Variants in ANKRD45 observed in about 807,000 individuals in gnomAD.
ANKRD45 encodes ankyrin repeat domain-containing protein 45.
Under a neutral mutation model 28.1 loss-of-function variants are expected in ANKRD45, and 21 were observed. The ratio of observed to expected loss-of-function variants is 0.75; its 90% CI spans 0.53 to 1.08. The LOEUF is 1.08. Among genes scored for constraint, ANKRD45 ranks in the 50% least tolerant of loss-of-function variants. The probability of loss-of-function intolerance (pLI) is 0.00; values close to 1 mark genes in which losing one functional copy is unlikely to be tolerated. For missense variants in ANKRD45, 261 were observed against 308.7 expected, an observed-to-expected ratio of 0.85 and a Z score of 1.16; for synonymous variants, 86 against 103.9, an observed-to-expected ratio of 0.83 and a Z score of 1.05.
chr1:173,624,671 C>A, intron 5 of ANKRD45, 116 bp downstream of exon 5: 1 of 1,072,536 alleles, frequency 9.3e-7, no homozygotes, highest in South Asian at 1.8e-5. Flanking sequence ...GTGCTTGTAA[C>A]AATGTTAATA....
intron 5 of ANKRD45, among the ~76,000 whole-genome samples, chr1:173,612,327 G>A (rs867716649): frequency 7.4e-6 from 1 of 134,430 alleles, no homozygotes; most frequent in African/African-American, 3.4e-5. Context: ...AAAGAAGGAA[G>A]GAAGGAAGGA....
In ANKRD45 at chr1:173,646,982, C is replaced by T. The variant is rs766156865; in HGVS notation, c.360G>A (p.Trp120Ter). The T allele has an allele frequency of 6.2e-7, 1 of 1,614,030 alleles. No individual in the cohort carries two copies. The highest frequency in any genetic ancestry group is 1.1e-5 in the South Asian group (1 of 91,060). The change falls in exon 3 of 6, where the codon TGG becomes TGA. Residue 120 changes from tryptophan (W) to a stop codon, truncating the protein, a stop_gained. Coordinates refer to ENST00000333279, the MANE Select transcript of ANKRD45 (RefSeq NM_198493.3). LOFTEE classifies it high-confidence loss of function. ...GTGCTTTCAAAGTTTCCAAACGACC[C>T]CAGGCTGCAGCACAATGTAAGAGTG... ...GYTLLHCAAA[W>*]GRLETLKALV...
intron 2 of ANKRD45, chr1:173,658,838 A>G (rs1292437753): frequency 1.9e-5 from 7 of 363,254 alleles, no homozygotes; most frequent in Non-Finnish European, 9.2e-6. Context: ...AAAAACAGAT[A>G]CACAAAAAGA....
intron 3 of ANKRD45, among the ~76,000 whole-genome samples, chr1:173,632,493 T>C (rs1410229952): frequency 6.7e-6 from 1 of 149,150 alleles, no homozygotes; most frequent in Non-Finnish European, 1.5e-5. Context: ...ACAGAGCCAT[T>C]ATTACCCTGA....
the ANKRD45 span, among the ~76,000 whole-genome samples, chr1:173,681,653 G>A: frequency 1.3e-5 from 2 of 152,016 alleles, no homozygotes; most frequent in Non-Finnish European, 2.9e-5. Context: ...CAGCTACATA[G>A]CCTTAAATTT....
At chr1:173,700,972 A>C in the ANKRD45 span, among the ~76,000 whole-genome samples, 1 of 152,236 alleles carries the variant, frequency 6.6e-6, no homozygotes, top group African/African-American at 2.4e-5. Flanking sequence ...ATACAAATTT[A>C]CAAGAAAAAA....
At chr1:173,688,483 T>C in the ANKRD45 span, among the ~76,000 whole-genome samples, 1 of 148,784 alleles carries the variant, frequency 6.7e-6, no homozygotes, top group Non-Finnish European at 1.5e-5. Context: ...TCTTCCTCTC[T>C]CTCTCTGCCT....
Position 173,643,820 on chromosome 1 carries a change from T to C in ANKRD45, c.496+3026A>G, listed in dbSNP as rs115027881. Among the ~76,000 whole-genome samples the C allele has an allele frequency of 1.1e-4, 16 of 152,310 alleles. 1 individual carries two copies. Among genetic ancestry groups the C allele is most frequent in the Admixed American group, 3.3e-4 (5 of 15,296 alleles). On this transcript the variant is annotated intron_variant, in intron 3 of 5. Transcript: ENST00000333279. The stretch of plus-strand genomic sequence containing the variant: ...GAAAAAAACTTTTCAAAAATAATAC[T>C]TGAAACAGTAATAAACTTTACAGTT...
the ANKRD45 span, among the ~76,000 whole-genome samples, chr1:173,683,329 T>C: frequency 1.3e-5 from 2 of 152,150 alleles, no homozygotes; most frequent in African/African-American, 2.4e-5. Context: ...TCATCTTCCC[T>C]GTTGGAAGTG....
At chr1:173,610,420 TA>T (rs1667094260) in intron 5 of ANKRD45, among the ~76,000 whole-genome samples, 1 of 152,212 alleles carries the variant, frequency 6.6e-6, no homozygotes, top group African/African-American at 2.4e-5. Flanking sequence ...ACATTTCCCA[TA>T]TAATCAGTAT....
chr1:173,662,339 T>C (rs1367703003), intron 1 of ANKRD45, among the ~76,000 whole-genome samples: 2 of 152,202 alleles, frequency 1.3e-5, no homozygotes, highest in Non-Finnish European at 2.9e-5. Context: ...GCATTTTAAA[T>C]TGGTAGAATA....
In ANKRD45 at chr1:173,610,070, C is replaced by A. The variant is rs915748925; in HGVS notation, c.*75G>T. On this transcript the variant is annotated 3_prime_UTR_variant, in exon 6 of 6. Coordinates refer to ENST00000333279, the MANE Select transcript of ANKRD45 (RefSeq NM_198493.3). ...ACTTAAAGAAACCCACATCTGTTTTCTCGATTTCAAATGGCATGAATAGGT... is the reference window on the plus strand; with the variant it reads ...ACTTAAAGAAACCCACATCTGTTTTATCGATTTCAAATGGCATGAATAGGT... The A allele has an allele frequency of 3.2e-5, 45 of 1,428,358 alleles. No homozygotes were observed. The highest frequency in any genetic ancestry group is 4.3e-5 in the African/African-American group (3 of 69,974). 88.5% of individuals were successfully genotyped at this position (1,428,358 alleles called of 1,614,324 possible).
upstream of ANKRD45, among the ~76,000 whole-genome samples, chr1:173,673,018 G>C (rs538491658): frequency 5.3e-5 from 8 of 152,148 alleles, no homozygotes; most frequent in South Asian, 4.2e-4. Flanking sequence ...TGGTAGGTGA[G>C]AGGTTTCCAA....
the ANKRD45 span, among the ~76,000 whole-genome samples, chr1:173,683,485 A>C: frequency 6.6e-6 from 1 of 152,178 alleles, no homozygotes. Context: ...TAAACTTTAG[A>C]TCTCGAACAA....
intron 2 of ANKRD45, among the ~76,000 whole-genome samples, chr1:173,654,288 C>T (rs1359481414): frequency 6.6e-6 from 1 of 152,080 alleles, no homozygotes; most frequent in African/African-American, 2.4e-5. Context: ...GTAAGGCAGG[C>T]CTGGTGGTGA....
At chr1:173,626,671 T>A (rs1338649084) in intron 4 of ANKRD45, among the ~76,000 whole-genome samples, 17 of 150,910 alleles carry the variant, frequency 1.1e-4, no homozygotes, top group Admixed American at 2.0e-4. Context: ...ATCCCTTTGC[T>A]TGGCTTTTTA....
In ANKRD45 at chr1:173,633,023, G is replaced by A. The variant is rs140815233; in HGVS notation, c.497-5864C>T. Among the ~76,000 whole-genome samples the A allele has an allele frequency of 9.0e-4, 136 of 151,870 alleles. 1 individual carries two copies. The highest frequency in any genetic ancestry group is 3.0e-3 in the African/African-American group (125 of 41,486). The stretch of plus-strand genomic sequence containing the variant: ...AGAGCAATCAGAGAAGAAAATAAAG[G>A]GCATCCAAATTGGAAAGGAGGAAGT... On this transcript the variant is annotated intron_variant, in intron 3 of 5. Transcript: ENST00000333279.
chr1:173,694,048 G>A, the ANKRD45 span, among the ~76,000 whole-genome samples: 207 of 152,330 alleles, frequency 1.4e-3, no homozygotes, highest in Non-Finnish European at 2.6e-3. Flanking sequence ...CGGGAAAGGA[G>A]GAGTATCCCA....
In ANKRD45 at chr1:173,609,896, G is replaced by A. The variant is rs139815493; in HGVS notation, c.*249C>T. ...CTTAAAGCCTCCACATGGTCTTCAC[G>A]AATGATTTATACCCAAGTGCTTTCC... On this transcript the variant is annotated 3_prime_UTR_variant, in exon 6 of 6. Transcript: ENST00000333279. 2.7e-4 allele frequency: 117 copies of A among 433,046 alleles called. No individual in the cohort carries two copies. The highest frequency in any genetic ancestry group is 2.1e-3 in the South Asian group (42 of 20,022). The allele number at this position is 433,046 out of a possible 1,614,324, so 26.8% of individuals were successfully genotyped here. A position where few individuals can be genotyped will look rare whatever the true frequency, so the allele number is the denominator to read the frequency against.
Sources: gnomAD v4.1 joint callset for allele counts (sites outside exome capture counted in the v4.1 genomes callset) on GRCh38, gnomAD v4.1.1 for gene constraint, MANE v1.5 for transcripts, NCBI Gene and HGNC (gene_info 2026-07-23, HGNC 2026-07-21) for gene names.